LPAR6: variants seen among roughly 807,000 people sequenced by gnomAD.
LPAR6 encodes lysophosphatidic acid receptor 6, also known as G-protein coupled purinergic receptor P2Y5.
LPAR6 carries 17 observed loss-of-function variants against 22.0 expected under a neutral mutation model. The observed-to-expected ratio is 0.77, with a 90% CI of 0.53 to 1.16. The LOEUF (loss-of-function observed/expected upper bound fraction) is 1.16. LPAR6 is among the 50% of genes most tolerant of loss of function. The pLI, the probability that LPAR6 is intolerant of heterozygous loss-of-function variation, is 0.00. For missense variants in LPAR6, 384 were observed against 406.9 expected, an observed-to-expected ratio of 0.94 and a Z score of 0.48; for synonymous variants, 136 against 139.8, an observed-to-expected ratio of 0.97 and a Z score of 0.19.
chr13:48,422,366 G>A (rs767598603), intron 2 of LPAR6, among the ~76,000 whole-genome samples: 16 of 152,086 alleles, frequency 1.1e-4, no homozygotes, highest in Non-Finnish European at 2.2e-4. Context: ...GGGGCCTGTC[G>A]GGGTTGGGGG....
downstream of LPAR6, chr13:48,408,775 C>G (rs1205386965): frequency 3.3e-5 from 5 of 152,116 alleles, no homozygotes; most frequent in African/African-American, 1.2e-4. Context: ...TTCCTGTTGA[C>G]AAGAGACACC....
At chr13:48,389,764 C>T (rs915949724) in exon 2 of LPAR6, 3 of 152,280 alleles carry the variant, frequency 2.0e-5, no homozygotes, top group African/African-American at 7.2e-5. Context: ...CTCTTCCTCC[C>T]ATCCTCCCTC....
intron 1 of LPAR6, among the ~76,000 whole-genome samples, chr13:48,390,585 T>C (rs981438445): frequency 6.6e-6 from 1 of 152,096 alleles, no homozygotes; most frequent in Non-Finnish European, 1.5e-5. Context: ...CCTGGCTCAC[T>C]TAAAAAAAAA....
rs1304152500 is a variant in LPAR6 at position 48,411,320 on chromosome 13, C to T, written c.*69G>A. 1 of 1,290,302 alleles carries T rather than the reference C, an allele frequency of 7.8e-7. No individual in the cohort carries two copies. The highest frequency in any genetic ancestry group is 2.3e-5 in the East Asian group (1 of 43,336). 79.9% of individuals were successfully genotyped at this position (1,290,302 alleles called of 1,614,324 possible). On this transcript the variant is annotated 3_prime_UTR_variant, in exon 1 of 1. Transcript: ENST00000620633. ...TTTTGGAGGTGGAAAAATAGTTTGT[C>T]CAAAAAGACACTTTTCACAGTTGAA... is the stretch of plus-strand genomic sequence containing the variant.
At chr13:48,394,578 C>T (rs1482326128) in intron 1 of LPAR6, among the ~76,000 whole-genome samples, 4 of 152,130 alleles carry the variant, frequency 2.6e-5, no homozygotes, top group African/African-American at 4.8e-5. Flanking sequence ...GAGGGGCATT[C>T]CCCATTACTG....
chr13:48,443,454 TAA>T (rs1171351533), intron 1 of LPAR6, among the ~76,000 whole-genome samples: 2 of 152,184 alleles, frequency 1.3e-5, no homozygotes, highest in African/African-American at 2.4e-5. Flanking sequence ...TCTAATGTAT[TAA>T]GTCACAGTTT....
At chr13:48,413,245 A>G (rs1948848962), upstream of LPAR6, 1 of 167,176 alleles carries the variant, frequency 6.0e-6, no homozygotes, top group South Asian at 2.1e-4. Context: ...TGCTGGGAAT[A>G]TACCTAGGAG....
chr13:48,426,611 G>A (rs974068069), intron 1 of LPAR6: 1 of 152,130 alleles, frequency 6.6e-6, no homozygotes, highest in African/African-American at 2.4e-5. Flanking sequence ...ATCTTCTTTG[G>A]TATATAGTTT....
chr13:48,443,113 T>C (rs1480222385), intron 1 of LPAR6, among the ~76,000 whole-genome samples: 2 of 151,914 alleles, frequency 1.3e-5, no homozygotes, highest in Non-Finnish European at 2.9e-5. Flanking sequence ...GTCATTGATA[T>C]AACATTACTA....
At chr13:48,436,643 T>TA (rs34668363) in intron 1 of LPAR6, among the ~76,000 whole-genome samples, 81 of 148,484 alleles carry the variant, frequency 5.5e-4, no homozygotes, top group Admixed American at 1.4e-3. Flanking sequence ...GACTCTCTCT[T>TA]AAAAAAAAAA....
intron 1 of LPAR6, among the ~76,000 whole-genome samples, chr13:48,443,841 A>G (rs1214103527): frequency 6.6e-6 from 1 of 152,232 alleles, no homozygotes; most frequent in Non-Finnish European, 1.5e-5. Context: ...ATAAGCTGAA[A>G]AACATTTTTG....
rs188340176 is a variant in LPAR6, at chr13:48,404,498, A to G, written n.114+11202T>C. Among the ~76,000 whole-genome samples the G allele has an allele frequency of 6.6e-5, 10 of 152,162 alleles. No individual in the cohort carries two copies. The East Asian group carries it at 1.7e-3, about 26-fold the overall frequency. Reference sequence around the variant, plus strand: ...AGGGGGCTTCAGATGGAAAGGGCCCATAGTGCCAAGCATGATGAATGAATG... The same window carrying G: ...AGGGGGCTTCAGATGGAAAGGGCCCGTAGTGCCAAGCATGATGAATGAATG... On this transcript the variant is annotated intron_variant and non_coding_transcript_variant, in intron 1 of 1. Coordinates refer to the LPAR6 transcript ENST00000462781.
At chr13:48,407,682 G>C (rs570649277), downstream of LPAR6, among the ~76,000 whole-genome samples, 19 of 152,250 alleles carry the variant, frequency 1.2e-4, no homozygotes, top group East Asian at 3.7e-3. Context: ...TTGTTCATTA[G>C]TCCTTTTTAA....
chr13:48,393,656 C>T (rs1864916246), intron 1 of LPAR6, among the ~76,000 whole-genome samples: 1 of 152,102 alleles, frequency 6.6e-6, no homozygotes, highest in Non-Finnish European at 1.5e-5. Context: ...TTTAGGGTAT[C>T]ATTTCCGCTT....
At chr13:48,404,657 G>A (rs1425992718) in intron 1 of LPAR6, among the ~76,000 whole-genome samples, 1 of 152,060 alleles carries the variant, frequency 6.6e-6, no homozygotes, top group Non-Finnish European at 1.5e-5. Context: ...CTCCTGAGTA[G>A]CTGGGATTAC....
downstream of LPAR6, chr13:48,406,814 G>C (rs1948744157): frequency 6.6e-6 from 1 of 152,288 alleles, no homozygotes; most frequent in South Asian, 2.1e-4. Flanking sequence ...AGCTGCTTGA[G>C]AGGCTGAGGT....
At chr13:48,407,935 T>C (rs1389414966), downstream of LPAR6, among the ~76,000 whole-genome samples, 1 of 152,164 alleles carries the variant, frequency 6.6e-6, no homozygotes, top group Non-Finnish European at 1.5e-5. Flanking sequence ...GTGATGCTTC[T>C]TCTTGGAAAT....
At chr13:48,426,959 G>C (rs1490565327), upstream of LPAR6, 1 of 152,486 alleles carries the variant, frequency 6.6e-6, no homozygotes, top group Non-Finnish European at 1.5e-5. Context: ...AGGGGAAACA[G>C]GCATGTCACG....
chr13:48,403,457 T>C (rs1416848276), intron 1 of LPAR6, among the ~76,000 whole-genome samples: 1 of 151,942 alleles, frequency 6.6e-6, no homozygotes, highest in Non-Finnish European at 1.5e-5. Flanking sequence ...AAATAAATGA[T>C]GAGTGTATTG....
Sources: allele counts gnomAD v4.1 joint callset (sites outside exome capture counted in the v4.1 genomes callset), GRCh38; gene constraint gnomAD v4.1.1; transcripts MANE v1.5; gene names NCBI Gene and HGNC (gene_info 2026-07-23, HGNC 2026-07-21).